IL1RAPL1: variants seen among roughly 807,000 people sequenced by gnomAD.
The protein encoded by IL1RAPL1 is interleukin-1 receptor accessory protein-like 1.
In IL1RAPL1, 3 loss-of-function variants were observed where a neutral mutation model predicts 48.4. The observed-to-expected ratio is 0.06, with a 90% CI of 0.03 to 0.16. The LOEUF is 0.16. IL1RAPL1 is among the 10% of genes least tolerant of loss of function. The pLI, the probability that IL1RAPL1 is intolerant of heterozygous loss-of-function variation, is 1.00. For missense variants in IL1RAPL1, 349 were observed against 530.6 expected (o/e 0.66, Z 3.36); for synonymous variants, 185 against 187.7 (o/e 0.99, Z 0.12).
At chrX:29,494,118 G>A (rs1177455474) in intron 5 of IL1RAPL1, among the ~76,000 whole-genome samples, 2 of 109,196 alleles carry the variant, frequency 1.8e-5, no homozygotes, top group African/African-American at 6.7e-5. Flanking sequence ...GGTCAGGCTC[G>A]TCTCAAACCC....
chrX:29,027,922 T>TTGTG lies in IL1RAPL1; in HGVS notation c.82+238521_82+238524dup, dbSNP rs751730303. ...CATTGTTGAGTTTTAAGATTTCTTT[T>TTGTG]TGTGTGTGTGTGTGTGTGTGTGTGT... On this transcript the variant is annotated intron_variant, in intron 2 of 10. Transcript: ENST00000378993. Among the ~76,000 whole-genome samples, 234 of 104,715 alleles carry TTGTG rather than the reference T, an allele frequency of 2.2e-3. 2 individuals are homozygous for TTGTG. Among genetic ancestry groups the TTGTG allele is most frequent in the African/African-American group, 6.2e-3 (178 of 28,905 alleles). The allele number at this position is 104,715 out of a possible 115,157, so 90.9% of individuals were successfully genotyped here.
intron 6 of IL1RAPL1, among the ~76,000 whole-genome samples, chrX:29,681,021 T>G (rs1926436510): frequency 1.8e-5 from 2 of 112,370 alleles, no homozygotes; most frequent in Non-Finnish European, 3.8e-5. Flanking sequence ...AAAATCAACT[T>G]CACGTAATAT....
At chrX:29,920,811 A>G (rs1432520991) in intron 8 of IL1RAPL1, among the ~76,000 whole-genome samples, 2 of 102,052 alleles carry the variant, frequency 2.0e-5, no homozygotes, top group African/African-American at 3.6e-5. Flanking sequence ...AAAAAAAAAA[A>G]AAAAAAAGAA....
chrX:29,101,637 T>G (rs1928339955), intron 2 of IL1RAPL1, among the ~76,000 whole-genome samples: 1 of 111,711 alleles, frequency 9.0e-6, no homozygotes, highest in Non-Finnish European at 1.9e-5. Context: ...AGCAACACAT[T>G]AAAAAGATCA....
chrX:29,384,277 G>T (rs1321160829), intron 3 of IL1RAPL1, among the ~76,000 whole-genome samples: 1 of 111,554 alleles, frequency 9.0e-6, no homozygotes, highest in Non-Finnish European at 1.9e-5. Flanking sequence ...AAGGGACAAA[G>T]AGAAGAAGGA....
intron 6 of IL1RAPL1, among the ~76,000 whole-genome samples, chrX:29,897,516 C>A (rs1202873514): frequency 8.9e-6 from 1 of 111,795 alleles, no homozygotes; most frequent in East Asian, 2.8e-4. Context: ...TTATGTAAAC[C>A]AGTAAAACTT....
rs940989028 is a variant in IL1RAPL1, at chrX:28,993,895, C to T, written c.82+204470C>T. The stretch of plus-strand genomic sequence containing the variant: ...CAACAAGCACTCTTAATTTGCTCTT[C>T]TAAATTTTATATCCTTATGTAGTTT... On this transcript the variant is annotated intron_variant, in intron 2 of 10. Coordinates refer to ENST00000378993, the MANE Select transcript of IL1RAPL1 (RefSeq NM_014271.4). Among the ~76,000 whole-genome samples, 3 of 111,497 alleles carry T rather than the reference C, an allele frequency of 2.7e-5. No homozygotes were observed. In the Admixed American group the frequency reaches 2.9e-4, roughly 11 times the overall value.
In IL1RAPL1 at chrX:28,979,502, C is replaced by G. The variant is rs1357132367; in HGVS notation, c.82+190077C>G. 2.7e-5 allele frequency among the ~76,000 whole-genome samples: 3 copies of G among 111,744 alleles called. No individual in the cohort carries two copies. The Admixed American group carries it at 2.8e-4, about 11-fold the overall frequency. On this transcript the variant is annotated intron_variant, in intron 2 of 10. Coordinates refer to ENST00000378993, the MANE Select transcript of IL1RAPL1 (RefSeq NM_014271.4). The stretch of plus-strand genomic sequence containing the variant: ...AGTCACTATTTGTGCAGAGCCAATT[C>G]AATTTTTCTTCTTGAAAGAATATAA...
chrX:29,254,423 G>A (rs143650146), intron 2 of IL1RAPL1, among the ~76,000 whole-genome samples: 10 of 110,675 alleles, frequency 9.0e-5, no homozygotes, highest in African/African-American at 3.3e-4. Flanking sequence ...ATGTTTCCGT[G>A]TATATGTGTA....
intron 2 of IL1RAPL1, among the ~76,000 whole-genome samples, chrX:29,045,941 TTCCTCCTCC>T (rs764153190): frequency 4.6e-4 from 31 of 67,024 alleles, no homozygotes; most frequent in Non-Finnish European, 6.6e-4. Context: ...CTCCTCCTTC[TTCCTCCTCC>T]TCCTCCTCCT....
chrX:29,465,964 A>G (rs1024274172), intron 5 of IL1RAPL1, among the ~76,000 whole-genome samples: 1 of 112,340 alleles, frequency 8.9e-6, no homozygotes, highest in African/African-American at 3.2e-5. Flanking sequence ...CCACATCATT[A>G]CTATTGGGAC....
chrX:29,241,612 T>G (rs1303961639), intron 2 of IL1RAPL1, among the ~76,000 whole-genome samples: 1 of 111,494 alleles, frequency 9.0e-6, no homozygotes, highest in African/African-American at 3.3e-5. Context: ...ACCACAATTG[T>G]TGGAAACAGA....
chrX:29,262,726 A>G (rs779996810), intron 2 of IL1RAPL1, among the ~76,000 whole-genome samples: 2 of 111,528 alleles, frequency 1.8e-5, no homozygotes, highest in African/African-American at 3.3e-5. Context: ...TTTTACTTCC[A>G]TACAATTGAT....
At chrX:29,591,622 G>A (rs946147780) in intron 5 of IL1RAPL1, among the ~76,000 whole-genome samples, 1 of 112,280 alleles carries the variant, frequency 8.9e-6, no homozygotes, top group Admixed American at 9.4e-5. Flanking sequence ...GGTTCTCACA[G>A]CCAGTGGCCT....
intron 2 of IL1RAPL1, among the ~76,000 whole-genome samples, chrX:29,246,319 A>T (rs1161084736): frequency 9.1e-6 from 1 of 109,860 alleles, no homozygotes; most frequent in African/African-American, 3.3e-5. Context: ...GATGCCCACT[A>T]ACAGTGGAAA....
At chrX:29,012,374 C>T (rs904753029) in intron 2 of IL1RAPL1, among the ~76,000 whole-genome samples, 1 of 111,079 alleles carries the variant, frequency 9.0e-6, no homozygotes, top group African/African-American at 3.3e-5. Context: ...GAAACCCTGA[C>T]TCTACTAAAA....
rs186846432 is a variant in IL1RAPL1, at chrX:29,251,104, T to A, written c.83-31834T>A. Among the ~76,000 whole-genome samples the A allele has an allele frequency of 4.4e-5, 5 of 114,329 alleles. No homozygotes were observed. The East Asian group carries it at 1.3e-3, about 31-fold the overall frequency. On this transcript the variant is annotated intron_variant, in intron 2 of 10. Coordinates refer to ENST00000378993, the MANE Select transcript of IL1RAPL1 (RefSeq NM_014271.4). ...TAATTAAATTGGACTTTATTACCCCTGTTTTGCAACTAGGTTGATGTTAAT... is the reference window on the plus strand; with the variant it reads ...TAATTAAATTGGACTTTATTACCCCAGTTTTGCAACTAGGTTGATGTTAAT...
chrX:28,678,287 G>A lies in IL1RAPL1; in HGVS notation c.-25+90240G>A, dbSNP rs184033912. ...TTTGCATCACCTTGACTTTGGCTCGGTAGTGGTGGACTATCTGTATCTGTA... is the reference window on the plus strand; with the variant it reads ...TTTGCATCACCTTGACTTTGGCTCGATAGTGGTGGACTATCTGTATCTGTA... On this transcript the variant is annotated intron_variant, in intron 1 of 10. Transcript: ENST00000378993. Among the ~76,000 whole-genome samples the A allele has an allele frequency of 1.2e-4, 13 of 111,232 alleles. No individual in the cohort carries two copies. The Admixed American group carries it at 1.2e-3, about 11-fold the overall frequency.
chrX:29,676,269 G>C (rs766028313), intron 6 of IL1RAPL1, among the ~76,000 whole-genome samples: 2 of 112,195 alleles, frequency 1.8e-5, no homozygotes, highest in African/African-American at 6.5e-5. Context: ...GTCAATACAT[G>C]TTTGCTGTTA....
Sources: gnomAD v4.1 joint callset for allele counts (sites outside exome capture counted in the v4.1 genomes callset) on GRCh38, gnomAD v4.1.1 for gene constraint, MANE v1.5 for transcripts, NCBI Gene and HGNC (gene_info 2026-07-23, HGNC 2026-07-21) for gene names.